The following RS1 variants were observed in gnomAD, a reference collection of about 807,000 sequenced individuals.
RS1 encodes the protein retinoschisin.
Under a neutral mutation model 20.8 loss-of-function variants are expected in RS1, and 2 were observed. The observed-to-expected ratio is 0.10, with a 90% CI of 0.04 to 0.30. The LOEUF is 0.30. RS1 is among the 10% of genes least tolerant of loss of function. RS1 has a pLI of 1.00. For missense variants in RS1, 151 were observed against 189.8 expected (o/e 0.80, Z 1.20); for synonymous variants, 70 against 75.8 (o/e 0.92, Z 0.40).
rs151084706 is a variant in RS1, at chrX:18,650,880, T to C, written c.185-3548A>G. Among the ~76,000 whole-genome samples the C allele has an allele frequency of 6.0e-3, 675 of 112,332 alleles. 4 individuals are homozygous for C. Among genetic ancestry groups the C allele is most frequent in the African/African-American group, 0.02 (625 of 30,939 alleles). On this transcript the variant is annotated intron_variant, in intron 3 of 5. Coordinates refer to ENST00000379984, the MANE Select transcript of RS1 (RefSeq NM_000330.4). Reference sequence around the variant, plus strand: ...CCTCATCTGTGAAATGGGGGCATGATGTAGTACCTGTCTTCATAAAATTGC... The same window carrying C: ...CCTCATCTGTGAAATGGGGGCATGACGTAGTACCTGTCTTCATAAAATTGC...
chrX:18,668,066 G>T (rs1928433148), intron 1 of RS1, among the ~76,000 whole-genome samples: 1 of 112,154 alleles, frequency 8.9e-6, no homozygotes, highest in African/African-American at 3.2e-5. Context: ...TATCATACCA[G>T]AAAATAGCAT....
intron 1 of RS1, among the ~76,000 whole-genome samples, chrX:18,665,173 C>T (rs959344045): frequency 1.8e-5 from 2 of 111,736 alleles, no homozygotes; most frequent in Non-Finnish European, 3.8e-5. Context: ...GCTTTGAGGC[C>T]CCACCCTCTC....
At chrX:18,646,166 T>C (rs1927766474) in intron 4 of RS1, 1 of 1,191,349 alleles carries the variant, frequency 8.4e-7, no homozygotes, top group East Asian at 3.0e-5. Context: ...TTTTTTTCCT[T>C]TCTGAGACAG....
intron 1 of RS1, among the ~76,000 whole-genome samples, chrX:18,662,235 TCAAA>T (rs1928323823): frequency 8.9e-6 from 1 of 112,395 alleles, no homozygotes; most frequent in South Asian, 3.7e-4. Context: ...TTATAGCTTC[TCAAA>T]CAGACAAAGA....
intron 3 of RS1, chrX:18,650,570 C>T (rs765366935): frequency 2.5e-6 from 3 of 1,212,299 alleles, no homozygotes; most frequent in Non-Finnish European, 3.3e-6. Flanking sequence ...CTGATGCTTT[C>T]AGCTGCCCAA....
Position 18,640,404 on chromosome X carries a change from T to A in RS1, c.*1600A>T, listed in dbSNP as rs1237336219. The A allele has an allele frequency of 9.5e-6, 1 of 105,551 alleles. No individual in the cohort carries two copies. The highest frequency in any genetic ancestry group is 1.9e-5 in the Non-Finnish European group (1 of 51,528). The allele number at this position is 105,551 out of a possible 1,213,427, so 8.7% of individuals were successfully genotyped here. A position where few individuals can be genotyped will look rare whatever the true frequency, so the allele number is the denominator to read the frequency against. On this transcript the variant is annotated 3_prime_UTR_variant, in exon 6 of 6. Transcript: ENST00000379984. ...ATTTCTATCCAAAATAGATTTGTCC[T>A]GTGTCCTAAGGCCAGGGATAAGTCC... is the stretch of plus-strand genomic sequence containing the variant.
chrX:18,651,276 A>AGG (rs1928033588), intron 3 of RS1, among the ~76,000 whole-genome samples: 1 of 108,348 alleles, frequency 9.2e-6, no homozygotes, highest in Non-Finnish European at 1.9e-5. Flanking sequence ...AGAGAGAGAG[A>AGG]GAGAGAGAGA....
chrX:18,649,793 G>A (rs1354929467), intron 3 of RS1, among the ~76,000 whole-genome samples: 1 of 111,956 alleles, frequency 8.9e-6, no homozygotes, highest in Non-Finnish European at 1.9e-5. Context: ...CTGCGGACTC[G>A]AGGGCTCCTC....
At chrX:18,642,870 C>T (rs111866209) in intron 5 of RS1, among the ~76,000 whole-genome samples, 11 of 109,015 alleles carry the variant, frequency 1.0e-4, no homozygotes, top group Non-Finnish European at 3.8e-5. Flanking sequence ...AGTGAGACCC[C>T]GTCTCTACTA....
At chrX:18,670,256 C>T (rs1258901066) in intron 1 of RS1, among the ~76,000 whole-genome samples, 2 of 88,114 alleles carry the variant, frequency 2.3e-5, no homozygotes, top group Non-Finnish European at 2.1e-5. Context: ...GACTGAGTCT[C>T]GCTCAGTCAC....
intron 1 of RS1, among the ~76,000 whole-genome samples, chrX:18,657,882 C>G (rs1928245735): frequency 8.9e-6 from 1 of 111,734 alleles, no homozygotes; most frequent in African/African-American, 3.3e-5. Context: ...ACAAGATCAT[C>G]ATTATAGGGC....
chrX:18,651,657 T>C (rs1012004912), intron 3 of RS1, among the ~76,000 whole-genome samples: 2 of 111,375 alleles, frequency 1.8e-5, no homozygotes, highest in Non-Finnish European at 3.8e-5. Context: ...GGGGGGTTCA[T>C]GTAGTCTAAA....
intron 1 of RS1, among the ~76,000 whole-genome samples, chrX:18,666,493 G>T (rs1928406431): frequency 9.0e-6 from 1 of 111,510 alleles, no homozygotes; most frequent in Non-Finnish European, 1.9e-5. Flanking sequence ...CGAGGTTGGG[G>T]GTGTCCGGGA....
rs562878285 is a variant in RS1 at position 18,664,584 on chromosome X, C to T, written c.53-6919G>A. Among the ~76,000 whole-genome samples the T allele has an allele frequency of 1.1e-4, 12 of 111,479 alleles. No individual in the cohort carries two copies. In the East Asian group the frequency reaches 1.1e-3, roughly 11 times the overall value. Reference sequence around the variant, plus strand: ...CGGAGGTTGCAGTGAGTCAAGATCACGCCACTGTACTCCCAGCCTGGGCAA... The same window carrying T: ...CGGAGGTTGCAGTGAGTCAAGATCATGCCACTGTACTCCCAGCCTGGGCAA... On this transcript the variant is annotated intron_variant, in intron 1 of 5. Coordinates refer to ENST00000379984, the MANE Select transcript of RS1 (RefSeq NM_000330.4).
rs771514400 is a variant in RS1 at position 18,642,079 on chromosome X, G to A, written c.600C>T (p.Arg200=). The A allele has an allele frequency of 7.4e-6, 9 of 1,211,579 alleles. No individual in the cohort carries two copies. The South Asian group carries it at 1.6e-4, about 21-fold the overall frequency. Residue 200 remains arginine (R), a synonymous_variant, in exon 6 of 6, where the codon CGC becomes CGT. Coordinates refer to ENST00000379984, the MANE Select transcript of RS1 (RefSeq NM_000330.4). ...GGACGTGCCAGCCCAGCGGGATGAG[G>A]CGGATGAAGCGGGAGATGATGGGGG... The part of the protein sequence containing the change: ...LRPPIISRFI[R]LIPLGWHVRI...
chrX:18,642,462 A>G lies in RS1; in HGVS notation c.523-306T>C, dbSNP rs757729790. On this transcript the variant is annotated intron_variant, in intron 5 of 5. Transcript: ENST00000379984. ...ATGAGCCACATTTCAAGTGGCCGCCATATTGGACAGTGCAGATGTGAACAT... is the reference window on the plus strand; with the variant it reads ...ATGAGCCACATTTCAAGTGGCCGCCGTATTGGACAGTGCAGATGTGAACAT... Among the ~76,000 whole-genome samples the G allele has an allele frequency of 1.7e-4, 19 of 111,067 alleles. No homozygotes were observed. The South Asian group carries it at 5.9e-3, about 35-fold the overall frequency.
rs1927584939 is a variant in RS1 at position 18,641,827 on chromosome X, T to C, written c.*177A>G. On this transcript the variant is annotated 3_prime_UTR_variant, in exon 6 of 6. Coordinates refer to ENST00000379984, the MANE Select transcript of RS1 (RefSeq NM_000330.4). ...CCCTGAGTGGGGAATAAGTTCATTT[T>C]TATTTCATTGAAATCAGAAAGCTAT... The C allele has an allele frequency of 4.4e-6, 2 of 459,280 alleles. No homozygotes were observed. Among genetic ancestry groups the C allele is most frequent in the Middle Eastern group, 6.0e-4 (1 of 1,660 alleles). 37.8% of individuals were successfully genotyped at this position (459,280 alleles called of 1,213,427 possible).
intron 2 of RS1, 109 bp from the exon 3 acceptor site, chrX:18,656,867 G>T: frequency 1.7e-6 from 1 of 593,842 alleles, no homozygotes; most frequent in Non-Finnish European, 2.9e-6. Context: ...TAGCAGCTTT[G>T]CTACAATGGC....
chrX:18,644,334 G>T, intron 5 of RS1, 96 bp downstream of exon 5: 1 of 751,233 alleles, frequency 1.3e-6, no homozygotes, highest in Non-Finnish European at 2.1e-6. Context: ...CTGTGGAGTC[G>T]GTGCTCTGAC....
Sources: gnomAD v4.1 joint callset for allele counts (sites outside exome capture counted in the v4.1 genomes callset) on GRCh38, gnomAD v4.1.1 for gene constraint, MANE v1.5 for transcripts, NCBI Gene and HGNC (gene_info 2026-07-23, HGNC 2026-07-21) for gene names.